The following EXOC4 variants were observed in gnomAD, a reference collection of about 807,000 sequenced individuals.
EXOC4 encodes the protein SEC8-like 1.
A neutral mutation model predicts 107.2 loss-of-function variants in EXOC4; 71 were observed. The observed-to-expected ratio is 0.66, with a 90% CI of 0.55 to 0.81. The LOEUF (loss-of-function observed/expected upper bound fraction) is 0.81. Ranked by LOEUF, EXOC4 falls within the 30% of genes least tolerant of loss-of-function variation. EXOC4 has a pLI of 0.00. For missense variants in EXOC4, 1,108 were observed against 1,189.6 expected (o/e 0.93, Z 1.01); for synonymous variants, 456 against 441.2 (o/e 1.03, Z -0.42).
At chr7:133,982,583 G>A (rs912277488) in intron 14 of EXOC4, among the ~76,000 whole-genome samples, 26 of 151,988 alleles carry the variant, frequency 1.7e-4, no homozygotes, top group African/African-American at 5.8e-4. Context: ...AAGATACTGG[G>A]TTTTTGTTAC....
chr7:133,604,537 T>C (rs187254528), intron 9 of EXOC4, among the ~76,000 whole-genome samples: 1 of 151,622 alleles, frequency 6.6e-6, no homozygotes, highest in African/African-American at 2.4e-5. Context: ...GTATATGCTG[T>C]CCATCATTGT....
intron 7 of EXOC4, among the ~76,000 whole-genome samples, chr7:133,382,425 C>T (rs1002814343): frequency 2.0e-5 from 3 of 152,072 alleles, no homozygotes; most frequent in African/African-American, 4.8e-5. Flanking sequence ...ACACCAGAGA[C>T]CCCTGGCTGG....
At position 133,337,992 on chromosome 7, in the gene EXOC4, A is replaced by G. The variant is rs577660512; in HGVS notation, c.764-18338A>G. 1.2e-4 allele frequency among the ~76,000 whole-genome samples: 17 copies of G among 136,286 alleles called. No homozygotes were observed. The Middle Eastern group carries it at 0.019, about 151-fold the overall frequency. 89.4% of individuals were successfully genotyped at this position (136,286 alleles called of 152,430 possible). On this transcript the variant is annotated intron_variant, in intron 5 of 17. Transcript: ENST00000253861. ...TGTGAAAGTAGCTAGCAGTTTGTCT[A>G]TTTTGTTAGGTTTTCTTTCTTTTTT... is the stretch of plus-strand genomic sequence containing the variant.
intron 9 of EXOC4, among the ~76,000 whole-genome samples, chr7:133,608,615 T>C (rs1056290346): frequency 1.9e-4 from 26 of 137,420 alleles, no homozygotes; most frequent in African/African-American, 6.8e-4. Context: ...GCAGTGGCAA[T>C]CTTGGCTTAC....
intron 7 of EXOC4, among the ~76,000 whole-genome samples, chr7:133,434,967 A>G (rs1797935992): frequency 6.6e-6 from 1 of 152,224 alleles, no homozygotes; most frequent in Admixed American, 6.5e-5. Context: ...AGCACCATCT[A>G]GGAATCTGAT....
At chr7:133,873,136 C>T (rs1331394782) in intron 11 of EXOC4, among the ~76,000 whole-genome samples, 1 of 152,150 alleles carries the variant, frequency 6.6e-6, no homozygotes, top group Non-Finnish European at 1.5e-5. Context: ...TAGTGAGACC[C>T]CATCTCTACA....
intron 1 of EXOC4, among the ~76,000 whole-genome samples, chr7:133,261,809 T>C (rs1168081166): frequency 6.6e-6 from 1 of 152,200 alleles, no homozygotes; most frequent in Non-Finnish European, 1.5e-5. Flanking sequence ...ATTTTTTCAC[T>C]CTGGCCTGGG....
intron 10 of EXOC4, among the ~76,000 whole-genome samples, chr7:133,773,217 C>G (rs1585134966): frequency 6.6e-6 from 1 of 152,054 alleles, no homozygotes; most frequent in East Asian, 1.9e-4. Flanking sequence ...GAGACATGCC[C>G]ACTCAAGCCA....
At position 133,937,937 on chromosome 7, in the gene EXOC4, G is replaced by A. The variant is rs762421551; in HGVS notation, c.2074G>A (p.Asp692Asn). Residue 692 changes from aspartate (D) to asparagine (N), a missense_variant, in exon 14 of 18, where the codon GAT (aspartate) becomes AAT (asparagine). By Grantham distance (23) the Asp-to-Asn change is conservative. Coordinates refer to ENST00000253861, the MANE Select transcript of EXOC4 (RefSeq NM_021807.4). Reference sequence around the variant, plus strand: ...TGAAGTTCTTATTGGGAACCTGGGTGATAAATTAATCCCTCCACAAGACAT... The same window carrying A: ...TGAAGTTCTTATTGGGAACCTGGGTAATAAATTAATCCCTCCACAAGACAT... ...ESEVLIGNLG[D>N]KLIPPQDILR... The A allele has an allele frequency of 6.2e-7, 1 of 1,614,158 alleles. No individual in the cohort carries two copies. Among genetic ancestry groups the A allele is most frequent in the South Asian group, 1.1e-5 (1 of 91,080 alleles).
At chr7:133,274,366 A>C (rs557719080) in intron 1 of EXOC4, among the ~76,000 whole-genome samples, 8 of 152,160 alleles carry the variant, frequency 5.3e-5, no homozygotes, top group Non-Finnish European at 1.2e-4. Flanking sequence ...AAAAAGACCA[A>C]CTGAAAGTGA....
rs563479192 is a variant in EXOC4, at chr7:133,776,008, G to C, written c.1515-41317G>C. On this transcript the variant is annotated intron_variant, in intron 10 of 17. Transcript: ENST00000253861. ...TCTTAATAGACTTAAGATTTATTGGGCATTATTGGGCATTCTGTAGATAAA... is the reference window on the plus strand; with the variant it reads ...TCTTAATAGACTTAAGATTTATTGGCCATTATTGGGCATTCTGTAGATAAA... Among the ~76,000 whole-genome samples the C allele has an allele frequency of 8.5e-5, 13 of 152,168 alleles. 1 individual carries two copies. In the South Asian group the frequency reaches 2.1e-3, roughly 24 times the overall value.
intron 9 of EXOC4, among the ~76,000 whole-genome samples, chr7:133,608,542 ATTTCTTTTT>A (rs1229431476): frequency 2.8e-5 from 3 of 107,774 alleles, no homozygotes; most frequent in Non-Finnish European, 5.8e-5. Flanking sequence ...AATATGCTGT[ATTTCTTTTT>A]TTTTTTTTTT....
intron 9 of EXOC4, among the ~76,000 whole-genome samples, chr7:133,496,003 C>CT (rs200087681): frequency 1.3e-3 from 199 of 151,328 alleles, no homozygotes; most frequent in East Asian, 0.011. Context: ...AGTATACCTT[C>CT]TTTTTTTTTA....
intron 10 of EXOC4, among the ~76,000 whole-genome samples, chr7:133,700,772 A>G (rs1794640306): frequency 6.6e-6 from 1 of 152,164 alleles, no homozygotes; most frequent in South Asian, 2.1e-4. Flanking sequence ...AATATAGTCT[A>G]AGGAACATTA....
chr7:133,751,729 C>A (rs1795796874), intron 10 of EXOC4, among the ~76,000 whole-genome samples: 1 of 152,094 alleles, frequency 6.6e-6, no homozygotes, highest in Non-Finnish European at 1.5e-5. Context: ...GAAACAGTTA[C>A]ATCTAGTTTT....
chr7:133,603,560 C>T (rs959725737), intron 9 of EXOC4, among the ~76,000 whole-genome samples: 1 of 152,174 alleles, frequency 6.6e-6, no homozygotes. Context: ...CAAACCTGTA[C>T]AACATGTTAC....
chr7:133,751,773 A>G (rs892789379), intron 10 of EXOC4, among the ~76,000 whole-genome samples: 13 of 152,144 alleles, frequency 8.5e-5, no homozygotes, highest in Admixed American at 7.9e-4. Flanking sequence ...CCTTGAAACT[A>G]TCCTTTTACA....
At chr7:134,022,342 A>G (rs1420209960) in intron 17 of EXOC4, among the ~76,000 whole-genome samples, 1 of 152,214 alleles carries the variant, frequency 6.6e-6, no homozygotes, top group African/African-American at 2.4e-5. Context: ...AGGGAAGCAC[A>G]TGTGTGTGAG....
chr7:133,465,460 A>G lies in EXOC4; in HGVS notation c.1183-9868A>G, dbSNP rs142166187. ...GTGATTATGGTTGGTGATTTTTTAA[A>G]TAATGAATACCCTTTTTTGATAATT... On this transcript the variant is annotated intron_variant, in intron 7 of 17. Coordinates refer to ENST00000253861, the MANE Select transcript of EXOC4 (RefSeq NM_021807.4). 1.8e-3 allele frequency among the ~76,000 whole-genome samples: 277 copies of G among 152,312 alleles called. 1 individual carries two copies. Among genetic ancestry groups the G allele is most frequent in the African/African-American group, 6.5e-3 (272 of 41,582 alleles).
Sources: allele counts gnomAD v4.1 joint callset (sites outside exome capture counted in the v4.1 genomes callset), GRCh38; gene constraint gnomAD v4.1.1; transcripts MANE v1.5; gene names NCBI Gene and HGNC (gene_info 2026-07-23, HGNC 2026-07-21).